FOXP1: variants seen among roughly 807,000 people sequenced by gnomAD.
The protein encoded by FOXP1 is forkhead box P1.
Under a neutral mutation model 98.2 loss-of-function variants are expected in FOXP1, and 15 were observed. The ratio of observed to expected loss-of-function variants is 0.15; its 90% confidence interval spans 0.10 to 0.24. The LOEUF (loss-of-function observed/expected upper bound fraction) is 0.24. FOXP1 is among the 10% of genes least tolerant of loss of function. The pLI is 1.00. For synonymous variants in FOXP1, 371 were observed against 314.5 expected, an observed-to-expected ratio of 1.18 and a Z score of -1.90; for missense variants, 633 against 848.5, an observed-to-expected ratio of 0.75 and a Z score of 3.15.
intron 2 of FOXP1, among the ~76,000 whole-genome samples, chr3:71,539,801 T>C (rs149870774): frequency 6.6e-6 from 1 of 152,336 alleles, no homozygotes; most frequent in East Asian, 1.9e-4. Context: ...AGTCAATCAG[T>C]AGATGTACAA....
At chr3:71,400,199 A>T (rs1192825264) in intron 3 of FOXP1, among the ~76,000 whole-genome samples, 1 of 152,170 alleles carries the variant, frequency 6.6e-6, no homozygotes, top group Non-Finnish European at 1.5e-5. Flanking sequence ...TATTGACGTA[A>T]ATCTTATTGA....
chr3:71,174,828 C>CACACACACACACA (rs1560064270), intron 6 of FOXP1, among the ~76,000 whole-genome samples: 3 of 105,036 alleles, frequency 2.9e-5, no homozygotes, highest in African/African-American at 7.0e-5. Context: ...ACACACACAC[C>CACACACACACACA]CCAATATACC....
intron 5 of FOXP1, among the ~76,000 whole-genome samples, chr3:71,291,922 AT>A (rs2107505223): frequency 6.6e-6 from 1 of 151,650 alleles, no homozygotes; most frequent in East Asian, 1.9e-4. Flanking sequence ...GGCCAGGATG[AT>A]TTTGATCTCT....
At chr3:71,436,963 A>G (rs575826477) in intron 3 of FOXP1, among the ~76,000 whole-genome samples, 1 of 152,350 alleles carries the variant, frequency 6.6e-6, no homozygotes, top group East Asian at 1.9e-4. Context: ...ATTTTCACAT[A>G]TAATATCCCA....
chr3:71,412,814 T>C (rs1022604830), intron 3 of FOXP1, among the ~76,000 whole-genome samples: 3 of 152,174 alleles, frequency 2.0e-5, no homozygotes, highest in Non-Finnish European at 4.4e-5. Context: ...GTAATGCATA[T>C]ATTTTTTTAA....
chr3:71,205,568 T>C (rs899542515), intron 5 of FOXP1, among the ~76,000 whole-genome samples: 12 of 151,378 alleles, frequency 7.9e-5, no homozygotes, highest in Non-Finnish European at 1.5e-4. Flanking sequence ...GAGGATCAGG[T>C]AAAACTGGAA....
intron 7 of FOXP1, among the ~76,000 whole-genome samples, chr3:71,076,694 A>T (rs1012212397): frequency 3.3e-5 from 5 of 152,172 alleles, no homozygotes; most frequent in African/African-American, 1.2e-4. Context: ...TTCCTATCTC[A>T]AAAATTTACT....
intron 7 of FOXP1, among the ~76,000 whole-genome samples, chr3:71,105,713 CTT>C (rs1478856374): frequency 6.6e-6 from 1 of 152,050 alleles, no homozygotes; most frequent in African/African-American, 2.4e-5. Flanking sequence ...TAAGAAATAA[CTT>C]TGCTTTGCTG....
intron 3 of FOXP1, among the ~76,000 whole-genome samples, chr3:71,446,838 AATACAGATT>A (rs2086491603): frequency 1.3e-5 from 2 of 152,378 alleles, no homozygotes; most frequent in South Asian, 4.1e-4. Flanking sequence ...AGTAAGTGTC[AATACAGATT>A]ATGTCTACAT....
intron 4 of FOXP1, chr3:71,305,777 C>T (rs968836093): frequency 1.3e-5 from 2 of 152,556 alleles, no homozygotes; most frequent in African/African-American, 4.8e-5. Context: ...GGCCCAGGAA[C>T]CAGGACTGCT....
At chr3:71,417,377 G>A (rs547934072) in intron 3 of FOXP1, among the ~76,000 whole-genome samples, 60 of 152,268 alleles carry the variant, frequency 3.9e-4, no homozygotes, top group African/African-American at 1.4e-3. Flanking sequence ...GGACTAAGAC[G>A]TGTAAGACCC....
intron 3 of FOXP1, among the ~76,000 whole-genome samples, chr3:71,452,109 G>T (rs966158097): frequency 1.3e-5 from 2 of 152,092 alleles, no homozygotes; most frequent in African/African-American, 4.8e-5. Context: ...ATATTTACTG[G>T]CGACGTCTCT....
chr3:70,964,181 G>C (rs902031074), intron 20 of FOXP1, among the ~76,000 whole-genome samples: 1 of 152,166 alleles, frequency 6.6e-6, no homozygotes, highest in East Asian at 1.9e-4. Flanking sequence ...TTTGAGCAAC[G>C]CATGTTGACA....
intron 6 of FOXP1, among the ~76,000 whole-genome samples, chr3:71,113,975 T>C (rs1259458607): frequency 1.3e-5 from 2 of 152,100 alleles, no homozygotes; most frequent in African/African-American, 4.8e-5. Context: ...GAACCAAGAA[T>C]GTACACATGG....
chr3:71,371,794 C>T lies in FOXP1; in HGVS notation c.-167-12550G>A, dbSNP rs138058486. Among the ~76,000 whole-genome samples, 422 of 152,114 alleles carry T rather than the reference C, an allele frequency of 2.8e-3. 2 individuals carry two copies. Among genetic ancestry groups the T allele is most frequent in the African/African-American group, 9.3e-3 (386 of 41,492 alleles). On this transcript the variant is annotated intron_variant, in intron 3 of 20. Transcript: ENST00000649528. ...GCAGAGAACAAAACCCAGTCCTTCG[C>T]CCCGGTATACAGGGTCCTGCTGACC...
intron 5 of FOXP1, among the ~76,000 whole-genome samples, chr3:71,237,479 A>G (rs1377789779): frequency 6.6e-6 from 1 of 152,128 alleles, no homozygotes; most frequent in African/African-American, 2.4e-5. Context: ...ACCATAGCAG[A>G]CAGTGCAGGA....
chr3:71,485,713 G>A (rs2090595686), intron 3 of FOXP1, among the ~76,000 whole-genome samples: 1 of 150,516 alleles, frequency 6.6e-6, no homozygotes, highest in African/African-American at 2.4e-5. Context: ...AGGTTGCAGT[G>A]AGCCAAGATC....
chr3:71,218,773 A>C lies in FOXP1; in HGVS notation c.-11-20381T>G, dbSNP rs146762488. Among the ~76,000 whole-genome samples the C allele has an allele frequency of 4.0e-3, 603 of 152,256 alleles. 1 individual carries two copies. The highest frequency in any genetic ancestry group is 6.3e-3 in the Non-Finnish European group (429 of 68,016). On this transcript the variant is annotated intron_variant, in intron 5 of 20. Transcript: ENST00000649528. ...GGCGACAGCTGGATTCAGCGCATAG[A>C]ACTGTAGTTTGTGGGGCCCCTACTC... is the stretch of plus-strand genomic sequence containing the variant.
At chr3:71,262,470 C>T (rs1262030663) in intron 5 of FOXP1, among the ~76,000 whole-genome samples, 10 of 151,680 alleles carry the variant, frequency 6.6e-5, no homozygotes, top group African/African-American at 1.5e-4. Context: ...AATTTTTATA[C>T]TCATGGTTTA....
Sources: gnomAD v4.1 joint callset for allele counts (sites outside exome capture counted in the v4.1 genomes callset) on GRCh38, gnomAD v4.1.1 for gene constraint, MANE v1.5 for transcripts, NCBI Gene and HGNC (gene_info 2026-07-23, HGNC 2026-07-21) for gene names.